The following POTEI variants were observed in gnomAD, a reference collection of about 807,000 sequenced individuals.
The protein encoded by POTEI is POTE ankyrin domain family member I, also known as POTE ankyrin domain family, member I.
In POTEI, 14 loss-of-function variants were observed where a neutral mutation model predicts 43.4. That is an observed-to-expected ratio of 0.32 (90% CI 0.21 to 0.50). The LOEUF (loss-of-function observed/expected upper bound fraction) is 0.50, where lower values mean the gene tolerates loss of function less well. Among genes scored for constraint, POTEI ranks in the 20% least tolerant of loss-of-function variants. The pLI, the probability that POTEI is intolerant of heterozygous loss-of-function variation, is 0.98. For missense variants in POTEI, 235 were observed against 795.4 expected (o/e 0.30, Z 8.47); for synonymous variants, 95 against 297.9 (o/e 0.32, Z 7.01).
chr2:130,477,856 C>G (rs1167831710), intron 10 of POTEI, among the ~76,000 whole-genome samples: 1 of 143,560 alleles, frequency 7.0e-6, no homozygotes, highest in African/African-American at 2.8e-5. Context: ...CATGCAGCAG[C>G]AAGAGCGGGA....
intron 10 of POTEI, among the ~76,000 whole-genome samples, chr2:130,477,545 C>G (rs1400991430): frequency 6.7e-6 from 1 of 150,028 alleles, no homozygotes; most frequent in African/African-American, 2.5e-5. Context: ...TAGTACTTTA[C>G]TGATTTTTCT....
intron 6 of POTEI, among the ~76,000 whole-genome samples, chr2:130,493,675 T>C (rs1200842162): frequency 5.4e-5 from 2 of 36,808 alleles, no homozygotes; most frequent in African/African-American, 1.6e-4. Context: ...ATTCAATTAT[T>C]ACTAAATCAT....
chr2:130,509,197 A>G lies in POTEI; in HGVS notation c.39T>C (p.Ser13=). Residue 13 remains serine (S), a synonymous_variant, in exon 1 of 15, where the codon TCT becomes TCC. Coordinates refer to ENST00000451531, the MANE Select transcript of POTEI (RefSeq NM_001277406.2). ...TCCTGAGAACAAATGGCTTCTTCAC[A>G]GAAGAGGCAGCCGGCATTGAATCAA... The part of the protein sequence containing the change: ...AEVDSMPAAS[S]VKKPFVLRSK... 1.4e-6 allele frequency: 2 copies of G among 1,479,326 alleles called. No homozygotes were observed. Among genetic ancestry groups the G allele is most frequent in the Non-Finnish European group, 1.8e-6 (2 of 1,100,642 alleles). The allele number at this position is 1,479,326 out of a possible 1,614,324, so 91.6% of individuals were successfully genotyped here.
chr2:130,491,706 G>T (rs1332629059), intron 6 of POTEI, among the ~76,000 whole-genome samples: 1 of 94,158 alleles, frequency 1.1e-5, no homozygotes, highest in Non-Finnish European at 2.3e-5. Flanking sequence ...AGGCTGGAGT[G>T]CAGTGGCGCA....
chr2:130,475,122 G>T (rs1463741454), intron 11 of POTEI, among the ~76,000 whole-genome samples, 171 bp from the exon 12 acceptor site: 1 of 136,016 alleles, frequency 7.4e-6, no homozygotes. Context: ...TTAAAATTAA[G>T]AATTAACTTT....
In POTEI at chr2:130,489,675, G is replaced by A. The variant is rs1477170303; in HGVS notation, c.1198-396C>T. On this transcript the variant is annotated intron_variant, in intron 7 of 14. Transcript: ENST00000451531. ...CCAAAATCTTCCTCACTTGAAAAGA[G>A]TTTACCTCATGAAACCCTAACTAGT... is the stretch of plus-strand genomic sequence containing the variant. 6.7e-4 allele frequency among the ~76,000 whole-genome samples: 6 copies of A among 9,004 alleles called. 3 individuals carry two copies. Among genetic ancestry groups the A allele is most frequent in the African/African-American group, 7.2e-4 (6 of 8,376 alleles). 5.9% of individuals were successfully genotyped at this position (9,004 alleles called of 152,430 possible).
chr2:130,507,235 G>T (rs1230154761), intron 1 of POTEI, among the ~76,000 whole-genome samples: 1 of 68,536 alleles, frequency 1.5e-5, no homozygotes, highest in African/African-American at 4.7e-5. Context: ...CTGCACTCCA[G>T]CTTGGGCTAC....
intron 14 of POTEI, among the ~76,000 whole-genome samples, chr2:130,464,859 G>C (rs1682788869): frequency 6.6e-6 from 1 of 151,046 alleles, no homozygotes; most frequent in Non-Finnish European, 1.5e-5. Context: ...ATTTTCCCCA[G>C]GTCTGCTGAT....
chr2:130,507,424 A>ATGTG (rs1558896137), intron 1 of POTEI, among the ~76,000 whole-genome samples: 7 of 119,394 alleles, frequency 5.9e-5, no homozygotes, highest in African/African-American at 2.1e-4. Flanking sequence ...ATGTATATAT[A>ATGTG]TATATATCTG....
At chr2:130,478,164 C>T (rs1181739593) in intron 10 of POTEI, among the ~76,000 whole-genome samples, 21 of 24,662 alleles carry the variant, frequency 8.5e-4, no homozygotes, top group Admixed American at 1.5e-3. Flanking sequence ...CTCATGTGGA[C>T]ACAGCTGAGA....
At chr2:130,477,644 A>C (rs1311220442) in intron 10 of POTEI, among the ~76,000 whole-genome samples, 8 of 138,966 alleles carry the variant, frequency 5.8e-5, no homozygotes, top group African/African-American at 1.7e-4. Flanking sequence ...CTTGCACATC[A>C]TCTTTGTAAA....
chr2:130,469,139 C>CAAAAA (rs71250888), intron 13 of POTEI, among the ~76,000 whole-genome samples: 112 of 111,234 alleles, frequency 1.0e-3, no homozygotes, highest in African/African-American at 3.7e-3. Flanking sequence ...GATGATGTAT[C>CAAAAA]AAAAAAAAAA....
At chr2:130,480,306 C>A (rs1265501874) in intron 10 of POTEI, among the ~76,000 whole-genome samples, 2 of 134,102 alleles carry the variant, frequency 1.5e-5, no homozygotes, top group Non-Finnish European at 3.2e-5. Context: ...AAGAGCTACT[C>A]ATTTCTATAG....
chr2:130,506,516 CTT>C (rs1203057209), intron 1 of POTEI, among the ~76,000 whole-genome samples: 58 of 2,856 alleles, frequency 0.02, 6 homozygotes, highest in African/African-American at 0.037. Flanking sequence ...TTTTTTTTTT[CTT>C]TTTTTTTTGA....
rs1241516430 is a variant in POTEI, at chr2:130,479,579, T to G, written c.1480+2424A>C. On this transcript the variant is annotated intron_variant, in intron 10 of 14. Transcript: ENST00000451531. ...TTATAGGAGCTCAGTCATGCCTGTT[T>G]GCTTACATATAATCATGGTGGCTTT... is the stretch of plus-strand genomic sequence containing the variant. 5.0e-4 allele frequency among the ~76,000 whole-genome samples: 33 copies of G among 65,496 alleles called. 6 individuals are homozygous for G. Among genetic ancestry groups the G allele is most frequent in the African/African-American group, 2.0e-3 (33 of 16,908 alleles). 43.0% of individuals were successfully genotyped at this position (65,496 alleles called of 152,430 possible).
At position 130,459,914 on chromosome 2, in the gene POTEI, A is replaced by G. The variant is rs1682573325; in HGVS notation, c.*2902T>C. The G allele has an allele frequency of 6.9e-6, 1 of 144,406 alleles. No homozygotes were observed. The highest frequency in any genetic ancestry group is 2.1e-4 in the South Asian group (1 of 4,750). 8.9% of individuals were successfully genotyped at this position (144,406 alleles called of 1,614,324 possible). On this transcript the variant is annotated 3_prime_UTR_variant, in exon 15 of 15. Transcript: ENST00000451531. Reference sequence around the variant, plus strand: ...TTCTGGGCTGAAATTTCTTTTCTTTAATGGCAGTTGATGTGGGTTGGGGTG... The same window carrying G: ...TTCTGGGCTGAAATTTCTTTTCTTTGATGGCAGTTGATGTGGGTTGGGGTG...
chr2:130,509,237 T>C lies in POTEI; in HGVS notation c.-2A>G. 1 of 1,343,920 alleles carries C rather than the reference T, an allele frequency of 7.4e-7. No individual in the cohort carries two copies. The highest frequency in any genetic ancestry group is 1.0e-6 in the Non-Finnish European group (1 of 988,126). The allele number at this position is 1,343,920 out of a possible 1,614,324, so 83.2% of individuals were successfully genotyped here. Reference sequence around the variant, plus strand: ...CATTGAATCAACCTCAGCTACCATCTGCTTTTAACAGCCTGGGGAGGCCGG... The same window carrying C: ...CATTGAATCAACCTCAGCTACCATCCGCTTTTAACAGCCTGGGGAGGCCGG... On this transcript the variant is annotated 5_prime_UTR_variant, in exon 1 of 15. Coordinates refer to ENST00000451531, the MANE Select transcript of POTEI (RefSeq NM_001277406.2).
intron 13 of POTEI, among the ~76,000 whole-genome samples, chr2:130,467,880 C>T (rs1429122063): frequency 7.2e-6 from 1 of 139,154 alleles, no homozygotes; most frequent in Admixed American, 7.1e-5. Flanking sequence ...TATCTCTAAT[C>T]ATCAGGGAAA....
rs957135200 is a variant in POTEI at position 130,477,862 on chromosome 2, C to T, written c.1481-1161G>A. ...ACGGCATACCATGCAGCAGCAAGAGCGGGAGCGAGGCCTGAAAGAGTGAAA... is the reference window on the plus strand; with the variant it reads ...ACGGCATACCATGCAGCAGCAAGAGTGGGAGCGAGGCCTGAAAGAGTGAAA... On this transcript the variant is annotated intron_variant, in intron 10 of 14. Transcript: ENST00000451531. Among the ~76,000 whole-genome samples the T allele has an allele frequency of 1.4e-4, 20 of 143,114 alleles. 1 individual carries two copies. Among genetic ancestry groups the T allele is most frequent in the African/African-American group, 4.7e-4 (17 of 35,824 alleles). 93.9% of individuals were successfully genotyped at this position (143,114 alleles called of 152,430 possible).
Sources: gnomAD v4.1 joint callset for allele counts (sites outside exome capture counted in the v4.1 genomes callset) on GRCh38, gnomAD v4.1.1 for gene constraint, MANE v1.5 for transcripts, NCBI Gene and HGNC (gene_info 2026-07-23, HGNC 2026-07-21) for gene names.